The following SNRPN variants were observed in gnomAD, a reference collection of about 807,000 sequenced individuals.
SNRPN encodes small nuclear ribonucleoprotein-associated protein N.
SNRPN carries 7 observed loss-of-function variants against 25.2 expected under a neutral mutation model. That is an observed-to-expected ratio of 0.28 (90% CI 0.16 to 0.52). The LOEUF (loss-of-function observed/expected upper bound fraction) is 0.52, where lower values mean the gene tolerates loss of function less well. SNRPN is among the 20% of genes least tolerant of loss of function. The pLI is 0.96. For missense variants in SNRPN, 196 were observed against 322.5 expected, an observed-to-expected ratio of 0.61 and a Z score of 3.00; for synonymous variants, 124 against 110.6, an observed-to-expected ratio of 1.12 and a Z score of -0.76.
At chr15:24,864,284 T>C (rs1456135486) in intron 1 of SNRPN, among the ~76,000 whole-genome samples, 1 of 147,706 alleles carries the variant, frequency 6.8e-6, no homozygotes, top group Non-Finnish European at 1.5e-5. Flanking sequence ...CGCCTCGGCC[T>C]CCCAAAGTGC....
At chr15:24,893,813 C>G (rs2150843149) in intron 2 of SNRPN, among the ~76,000 whole-genome samples, 1 of 152,024 alleles carries the variant, frequency 6.6e-6, no homozygotes, top group South Asian at 2.1e-4. Flanking sequence ...ATGTGCCTCC[C>G]TCAGTCCTTG....
chr15:24,836,613 A>G lies in SNRPN; in HGVS notation c.-579+6708A>G, dbSNP rs530079364. Among the ~76,000 whole-genome samples the G allele has an allele frequency of 2.9e-3, 444 of 151,918 alleles. 4 individuals carry two copies. Among genetic ancestry groups the G allele is most frequent in the African/African-American group, 0.01 (431 of 41,366 alleles). On this transcript the variant is annotated intron_variant, in intron 2 of 12. Transcript: ENST00000400100. ...TTTTTAGTAAAGATGGGGTTTCACC[A>G]TGTTGGCCAGGCTGGTCTCAAACTC...
chr15:24,945,159 A>G (rs1032572544), intron 3 of SNRPN, among the ~76,000 whole-genome samples: 3 of 152,134 alleles, frequency 2.0e-5, no homozygotes, highest in Non-Finnish European at 4.4e-5. Context: ...TTATGTTACA[A>G]CTACTCAACT....
Position 24,976,906 on chromosome 15 carries a change from A to G in SNRPN, c.297A>G (p.Gly99=). The G allele has an allele frequency of 6.2e-7, 1 of 1,608,302 alleles. No individual in the cohort carries two copies. Among genetic ancestry groups the G allele is most frequent in the Non-Finnish European group, 8.5e-7 (1 of 1,178,426 alleles). ...DTGIARVPLA[G]AAGGPGVGRA... The stretch of plus-strand genomic sequence containing the variant: ...GCATTGCTCGGGTACCACTTGCTGG[A>G]GCTGCTGGAGGCCCTGGGGTTGGTA... The change falls in exon 7 of 10, where the codon GGA becomes GGG. Residue 99 remains glycine, a synonymous_variant. Coordinates refer to ENST00000390687, the MANE Select transcript of SNRPN (RefSeq NM_003097.6).
At chr15:24,880,743 CACTT>C (rs1468682973) in intron 1 of SNRPN, among the ~76,000 whole-genome samples, 2 of 152,032 alleles carry the variant, frequency 1.3e-5, no homozygotes, top group Admixed American at 6.6e-5. Flanking sequence ...TTCATTTTAA[CACTT>C]ACGCCTTTTT....
intron 1 of SNRPN, among the ~76,000 whole-genome samples, chr15:24,872,887 AAAAAAAAAATAG>A (rs2055338684): frequency 1.1e-5 from 1 of 87,724 alleles, no homozygotes; most frequent in Non-Finnish European, 2.5e-5. Flanking sequence ...AAAAAAAAAA[AAAAAAAAAATAG>A]TTTTCCTCAT....
rs1423757673 is a variant in SNRPN at position 24,936,743 on chromosome 15, A to G, written c.-391+16619A>G. On this transcript the variant is annotated intron_variant, in intron 3 of 11. Coordinates refer to the SNRPN transcript ENST00000400097. The stretch of plus-strand genomic sequence containing the variant: ...AGATCTTGTGATATATCACAAGAAG[A>G]GCACCAAAGGGGAAATCCACCCCTG... Among the ~76,000 whole-genome samples, 3 of 152,082 alleles carry G rather than the reference A, an allele frequency of 2.0e-5. No homozygotes were observed. The East Asian group carries it at 5.8e-4, about 29-fold the overall frequency.
chr15:24,931,303 AAAAC>A, intron 3 of SNRPN, among the ~76,000 whole-genome samples: 1 of 152,314 alleles, frequency 6.6e-6, no homozygotes, highest in South Asian at 2.1e-4. Flanking sequence ...ATGTTAAAGA[AAAAC>A]AAAAGCTGGG....
At chr15:24,876,293 G>A (rs1341400972) in intron 1 of SNRPN, among the ~76,000 whole-genome samples, 1 of 151,896 alleles carries the variant, frequency 6.6e-6, no homozygotes, top group South Asian at 2.1e-4. Context: ...TCAAGCAGAC[G>A]TTCAACAAAT....
At chr15:24,869,256 T>G (rs887324685) in intron 1 of SNRPN, among the ~76,000 whole-genome samples, 1 of 152,192 alleles carries the variant, frequency 6.6e-6, no homozygotes, top group African/African-American at 2.4e-5. Flanking sequence ...TTAGAATAGT[T>G]TAGATATACA....
intron 3 of SNRPN, among the ~76,000 whole-genome samples, chr15:24,923,760 G>A (rs944068508): frequency 6.6e-6 from 1 of 152,028 alleles, no homozygotes; most frequent in Non-Finnish European, 1.5e-5. Flanking sequence ...AGTATGACAA[G>A]TCAGGATGGT....
In SNRPN at chr15:24,873,234, T is replaced by A. The variant is rs2055386148; in HGVS notation, c.-578-13282T>A. Among the ~76,000 whole-genome samples the A allele has an allele frequency of 3.3e-5, 4 of 120,920 alleles. 1 individual carries two copies. In the South Asian group the frequency reaches 1.2e-3, roughly 36 times the overall value. The allele number at this position is 120,920 out of a possible 152,430, so 79.3% of individuals were successfully genotyped here. A position where few individuals can be genotyped will look rare whatever the true frequency, so the allele number is the denominator to read the frequency against. ...CACTCTGCTGGACAGCAAGAGGGTGTGTTCAGGAACCATACCTAGTCTACA... is the reference window on the plus strand; with the variant it reads ...CACTCTGCTGGACAGCAAGAGGGTGAGTTCAGGAACCATACCTAGTCTACA... On this transcript the variant is annotated intron_variant, in intron 1 of 11. Coordinates refer to the SNRPN transcript ENST00000400097.
At chr15:24,893,385 G>A (rs928202080) in intron 2 of SNRPN, among the ~76,000 whole-genome samples, 1 of 152,096 alleles carries the variant, frequency 6.6e-6, no homozygotes, top group African/African-American at 2.4e-5. Context: ...GGGAACCTAA[G>A]GCGGTAGGAT....
intron 2 of SNRPN, among the ~76,000 whole-genome samples, chr15:24,891,095 G>C (rs2079693555): frequency 6.6e-6 from 1 of 152,050 alleles, no homozygotes; most frequent in African/African-American, 2.4e-5. Context: ...ATTTTTAGTA[G>C]AGATGGGATC....
chr15:24,831,544 G>C (rs541847045), intron 2 of SNRPN, among the ~76,000 whole-genome samples: 18 of 151,968 alleles, frequency 1.2e-4, no homozygotes, highest in Non-Finnish European at 2.1e-4. Flanking sequence ...GTTAACTATA[G>C]TTACCATGTT....
chr15:24,924,487 T>C lies in SNRPN; in HGVS notation c.-391+4363T>C, dbSNP rs555907143. On this transcript the variant is annotated intron_variant, in intron 3 of 11. Transcript: ENST00000400097. ...TCCTTTTAGATAATCTGTCTTTAGA[T>C]AAGGAAGCTCAGAGAAAACCTCTGC... Among the ~76,000 whole-genome samples the C allele has an allele frequency of 7.9e-5, 12 of 152,112 alleles. No individual in the cohort carries two copies. The East Asian group carries it at 2.3e-3, about 30-fold the overall frequency.
chr15:24,941,807 C>G (rs929947974), intron 3 of SNRPN, among the ~76,000 whole-genome samples: 6 of 151,924 alleles, frequency 3.9e-5, no homozygotes, highest in Non-Finnish European at 8.8e-5. Context: ...TAGACAGAGT[C>G]TCACTCTGTC....
chr15:24,970,596 A>G (rs140134318), intron 3 of SNRPN, among the ~76,000 whole-genome samples: 337 of 152,300 alleles, frequency 2.2e-3, no homozygotes, highest in African/African-American at 7.8e-3. Flanking sequence ...AAATTGTGTT[A>G]TGAATATTCT....
In SNRPN at chr15:24,918,508, CATAAT is replaced by C. The variant is rs1258194343; in HGVS notation, c.-504-1499_-504-1495del. ...ATAATATATATGTGTGTATATATAA[CATAAT>C]ATATATATGTGTATATATAACATAA... On this transcript the variant is annotated intron_variant, in intron 2 of 11. Coordinates refer to the SNRPN transcript ENST00000400097. Among the ~76,000 whole-genome samples, 9 of 114,770 alleles carry C rather than the reference CATAAT, an allele frequency of 7.8e-5. 1 individual carries two copies. The highest frequency in any genetic ancestry group is 4.8e-4 in the East Asian group (2 of 4,162). The allele number at this position is 114,770 out of a possible 152,430, so 75.3% of individuals were successfully genotyped here.
Sources: gnomAD v4.1 joint callset for allele counts (sites outside exome capture counted in the v4.1 genomes callset) on GRCh38, gnomAD v4.1.1 for gene constraint, MANE v1.5 for transcripts, NCBI Gene and HGNC (gene_info 2026-07-23, HGNC 2026-07-21) for gene names.